AFF2: variants seen among roughly 807,000 people sequenced by gnomAD.
The protein encoded by AFF2 is AF4/FMR2 family member 2.
In AFF2, 14 loss-of-function variants were observed where a neutral mutation model predicts 76.9. The observed-to-expected ratio is 0.18, with a 90% CI of 0.12 to 0.28. The LOEUF (loss-of-function observed/expected upper bound fraction) is 0.28, where lower values mean the gene tolerates loss of function less well. AFF2 is among the 10% of genes least tolerant of loss of function. AFF2 has a pLI of 1.00. For synonymous variants in AFF2, 398 were observed against 366.7 expected (o/e 1.09, Z -0.98); for missense variants, 868 against 1,001.1 (o/e 0.87, Z 1.79).
At chrX:148,640,107 A>G (rs1049526469) in intron 1 of AFF2, among the ~76,000 whole-genome samples, 4 of 112,876 alleles carry the variant, frequency 3.5e-5, no homozygotes, top group African/African-American at 1.3e-4. Context: ...TAGCTTGCCT[A>G]GAAGAAGCAT....
chrX:148,563,653 A>G (rs782674209), intron 1 of AFF2, among the ~76,000 whole-genome samples: 2 of 112,274 alleles, frequency 1.8e-5, no homozygotes, highest in Non-Finnish European at 3.8e-5. Flanking sequence ...GTTTTTCACA[A>G]AGGACTAATC....
chrX:148,626,165 T>C (rs2053923501), intron 1 of AFF2, among the ~76,000 whole-genome samples: 1 of 111,682 alleles, frequency 9.0e-6, no homozygotes, highest in Non-Finnish European at 1.9e-5. Flanking sequence ...TCAGACATGC[T>C]GAACTAAAGA....
At chrX:148,925,865 G>A (rs1358595197) in intron 9 of AFF2, among the ~76,000 whole-genome samples, 2 of 112,253 alleles carry the variant, frequency 1.8e-5, no homozygotes, top group African/African-American at 3.2e-5. Flanking sequence ...TCAATGGCAA[G>A]AGTTCCATAC....
chrX:148,973,112 C>T (rs1018255854), intron 15 of AFF2, among the ~76,000 whole-genome samples: 1 of 106,124 alleles, frequency 9.4e-6, no homozygotes, highest in Non-Finnish European at 1.9e-5. Context: ...TCTGAGGGCT[C>T]TGTTCTGTTC....
chrX:148,579,123 C>T (rs6641437), intron 1 of AFF2, among the ~76,000 whole-genome samples: 24,277 of 110,760 alleles, frequency 0.22, 2,471 homozygotes, highest in Middle Eastern at 0.33. Context: ...TGTCTATGAT[C>T]AGGAATGTAA....
chrX:148,856,039 C>T (rs1431099557), intron 7 of AFF2, among the ~76,000 whole-genome samples: 2 of 111,537 alleles, frequency 1.8e-5, no homozygotes, highest in Non-Finnish European at 3.8e-5. Context: ...TCCCAGAGGT[C>T]TCCAGTTGGA....
At chrX:148,700,674 ATTG>A (rs782511252) in intron 3 of AFF2, among the ~76,000 whole-genome samples, 12 of 110,551 alleles carry the variant, frequency 1.1e-4, no homozygotes, top group African/African-American at 3.9e-4. Flanking sequence ...AGCATTAAAA[ATTG>A]TTGTTGTTGT....
chrX:148,547,522 T>TA (rs1266541873), intron 1 of AFF2: 2 of 112,139 alleles, frequency 1.8e-5, no homozygotes, highest in African/African-American at 6.5e-5. Flanking sequence ...TACCAAAATG[T>TA]AAGGGCATAC....
At chrX:148,540,475 G>GA (rs1421433216) in intron 1 of AFF2, among the ~76,000 whole-genome samples, 1 of 107,343 alleles carries the variant, frequency 9.3e-6, no homozygotes, top group Non-Finnish European at 1.9e-5. Context: ...TTAAAAATAG[G>GA]AAAAAAATAT....
intron 4 of AFF2, among the ~76,000 whole-genome samples, chrX:148,830,201 C>T (rs1397884014): frequency 1.8e-5 from 2 of 111,986 alleles, no homozygotes; most frequent in Non-Finnish European, 3.8e-5. Flanking sequence ...AAGGGAATTT[C>T]GTTTGGAACA....
intron 13 of AFF2, among the ~76,000 whole-genome samples, chrX:148,965,681 T>C (rs112994312): frequency 0.014 from 1,597 of 112,387 alleles, 40 homozygotes; most frequent in African/African-American, 0.049. Flanking sequence ...GCCATGTTGG[T>C]AGAATTGTCC....
At chrX:148,630,768 C>T (rs2053971799) in intron 1 of AFF2, among the ~76,000 whole-genome samples, 1 of 111,843 alleles carries the variant, frequency 8.9e-6, no homozygotes, top group African/African-American at 3.3e-5. Context: ...CCCTGCTAAC[C>T]TTTACAGGTT....
At chrX:148,865,690 G>A (rs193047860) in intron 7 of AFF2, among the ~76,000 whole-genome samples, 2 of 112,256 alleles carry the variant, frequency 1.8e-5, no homozygotes, top group African/African-American at 6.5e-5. Context: ...GAGGCAGAGT[G>A]TAGAACATAG....
At chrX:148,807,414 A>G (rs1557271434) in intron 3 of AFF2, among the ~76,000 whole-genome samples, 1 of 111,735 alleles carries the variant, frequency 8.9e-6, no homozygotes, top group African/African-American at 3.3e-5. Flanking sequence ...ACCCTGTGAG[A>G]TTTAAAAAGG....
intron 1 of AFF2, among the ~76,000 whole-genome samples, chrX:148,596,084 C>CTTTGGCAAA (rs1557247279): frequency 9.0e-6 from 1 of 111,542 alleles, no homozygotes; most frequent in African/African-American, 3.3e-5. Context: ...TCCCTAACAT[C>CTTTGGCAAA]TACTGTGCTC....
intron 3 of AFF2, among the ~76,000 whole-genome samples, chrX:148,805,172 G>A (rs951371952): frequency 4.5e-5 from 5 of 111,867 alleles, no homozygotes; most frequent in Non-Finnish European, 7.5e-5. Flanking sequence ...AGTACAAACG[G>A]AATTAGTTTG....
chrX:148,723,104 G>A (rs2055113476), intron 3 of AFF2, among the ~76,000 whole-genome samples: 1 of 111,735 alleles, frequency 8.9e-6, no homozygotes, highest in Admixed American at 9.5e-5. Flanking sequence ...GAGAAGTGTG[G>A]CTTGCAAAGG....
intron 7 of AFF2, among the ~76,000 whole-genome samples, chrX:148,871,749 A>G (rs1360706044): frequency 9.0e-6 from 1 of 111,257 alleles, no homozygotes; most frequent in Middle Eastern, 4.2e-3. Context: ...GTCTTTGCCC[A>G]CAGGATCTTG....
At chrX:148,562,934 A>G (rs1557240939) in intron 1 of AFF2, among the ~76,000 whole-genome samples, 1 of 111,651 alleles carries the variant, frequency 9.0e-6, no homozygotes, top group East Asian at 2.8e-4. Context: ...GATTGCAATA[A>G]CTCATCAGAA....
Sources: gnomAD v4.1 joint callset for allele counts (sites outside exome capture counted in the v4.1 genomes callset) on GRCh38, gnomAD v4.1.1 for gene constraint, MANE v1.5 for transcripts, NCBI Gene and HGNC (gene_info 2026-07-23, HGNC 2026-07-21) for gene names.